Variants in MCOLN2 observed in about 807,000 individuals in gnomAD.
The protein encoded by MCOLN2 is mucolipin-2.
Under a neutral mutation model 67.5 loss-of-function variants are expected in MCOLN2, and 57 were observed. The ratio of observed to expected loss-of-function variants is 0.84; its 90% CI spans 0.68 to 1.05. MCOLN2 has a LOEUF of 1.05. MCOLN2 is among the 50% of genes least tolerant of loss of function. The pLI is 0.00. For synonymous variants in MCOLN2, 246 were observed against 233.3 expected, an observed-to-expected ratio of 1.05 and a Z score of -0.50; for missense variants, 620 against 678.8, an observed-to-expected ratio of 0.91 and a Z score of 0.96.
chr1:84,981,427 T>C (rs925786597), intron 1 of MCOLN2, among the ~76,000 whole-genome samples: 1 of 152,066 alleles, frequency 6.6e-6, no homozygotes, highest in South Asian at 2.1e-4. Context: ...AGCAGAAGAA[T>C]GGATAAAGAA....
chr1:84,986,247 A>C (rs1275272264), intron 1 of MCOLN2, among the ~76,000 whole-genome samples: 1 of 152,224 alleles, frequency 6.6e-6, no homozygotes. Context: ...CACATGTAGA[A>C]GAATAAAACT....
chr1:84,991,237 G>C (rs1227329371), intron 1 of MCOLN2, among the ~76,000 whole-genome samples: 1 of 152,122 alleles, frequency 6.6e-6, no homozygotes, highest in Non-Finnish European at 1.5e-5. Context: ...GAGGGTGGAA[G>C]AAGTGATAGA....
At chr1:84,956,222 G>A (rs1488049969) in intron 4 of MCOLN2, among the ~76,000 whole-genome samples, 2 of 151,778 alleles carry the variant, frequency 1.3e-5, no homozygotes, top group Admixed American at 6.6e-5. Flanking sequence ...GCTCCAAACA[G>A]ATCCACAAAT....
rs1375879262 is a variant in MCOLN2, at chr1:84,993,600, T to G, written c.77+3196A>C. 3.3e-5 allele frequency among the ~76,000 whole-genome samples: 5 copies of G among 150,522 alleles called. No individual in the cohort carries two copies. The East Asian group carries it at 9.8e-4, about 29-fold the overall frequency. On this transcript the variant is annotated intron_variant, in intron 1 of 13. Transcript: ENST00000370608. ...GATGGCAACCTATAATGTTACAAAA[T>G]GTAGTTCTTAAATAATGTCTTTTTT...
intron 2 of MCOLN2, 131 bp downstream of exon 2, chr1:84,965,418 A>T: frequency 1.1e-6 from 1 of 917,634 alleles, no homozygotes; most frequent in Non-Finnish European, 1.6e-6. Context: ...TCTGCTCTCC[A>T]GAGTCAATAT....
intron 9 of MCOLN2, among the ~76,000 whole-genome samples, chr1:84,938,573 A>G (rs1357668111): frequency 2.6e-5 from 4 of 152,240 alleles, no homozygotes; most frequent in African/African-American, 9.6e-5. Context: ...AATACGCTAA[A>G]TGCAGTGAAA....
chr1:84,931,496 C>T lies in MCOLN2; in HGVS notation c.1408G>A (p.Ala470Thr), dbSNP rs1451789877. Residue 470 changes from alanine (A) to threonine (T), a missense_variant, in exon 12 of 14, where the codon GCC becomes ACC. Physicochemically the swap from Ala to Thr is moderately conservative, Grantham distance 58. Transcript: ENST00000370608. ...AAGATGCTCTTCTGCTGGATTTGGG[C>T]AAAGGTTGCAAACATGTCATCACCG... ...VNGDDMFATF[A>T]QIQQKSILVW... 1 of 1,613,978 alleles carries T rather than the reference C, an allele frequency of 6.2e-7. No individual in the cohort carries two copies. The highest frequency in any genetic ancestry group is 1.1e-5 in the South Asian group (1 of 91,072).
chr1:84,936,050 C>A (rs1647409243), intron 11 of MCOLN2, among the ~76,000 whole-genome samples: 1 of 152,110 alleles, frequency 6.6e-6, no homozygotes, highest in Non-Finnish European at 1.5e-5. Context: ...GGGTTTGAAT[C>A]CCATCTCTGC....
chr1:84,928,975 T>A (rs1314085397), intron 13 of MCOLN2, among the ~76,000 whole-genome samples: 5 of 151,976 alleles, frequency 3.3e-5, no homozygotes, highest in Admixed American at 3.3e-4. Context: ...AAAAAAAAAT[T>A]GTCTTCACCT....
chr1:84,974,505 C>T (rs1228261020), intron 1 of MCOLN2, among the ~76,000 whole-genome samples: 1 of 151,968 alleles, frequency 6.6e-6, no homozygotes, highest in Non-Finnish European at 1.5e-5. Flanking sequence ...GGCCCTAGCT[C>T]CTGGGCAACA....
At chr1:84,991,964 A>G (rs1286318890) in intron 1 of MCOLN2, among the ~76,000 whole-genome samples, 1 of 152,244 alleles carries the variant, frequency 6.6e-6, no homozygotes, top group Admixed American at 6.5e-5. Flanking sequence ...ATTTTCAGTA[A>G]GAGCCCAACT....
intron 1 of MCOLN2, among the ~76,000 whole-genome samples, chr1:84,966,441 T>C (rs1649386716): frequency 6.6e-6 from 1 of 152,010 alleles, no homozygotes; most frequent in South Asian, 2.1e-4. Context: ...AGTGAGTGAG[T>C]ATATGAACAA....
At position 84,937,737 on chromosome 1, in the gene MCOLN2, A is replaced by G. The variant is rs995728340; in HGVS notation, c.1335+18T>C. ...CCCACGTGCCCCATCTGCAGAAGGA[A>G]GAATGTGAGCTACACACCTTGTCAT... On this transcript the variant is annotated intron_variant, in intron 11 of 13. Transcript: ENST00000370608. The G allele has an allele frequency of 1.3e-5, 21 of 1,613,198 alleles. No individual in the cohort carries two copies. The highest frequency in any genetic ancestry group is 1.8e-5 in the Non-Finnish European group (21 of 1,179,616).
chr1:84,954,242 T>C (rs1648663843), intron 4 of MCOLN2, among the ~76,000 whole-genome samples: 1 of 152,164 alleles, frequency 6.6e-6, no homozygotes, highest in African/African-American at 2.4e-5. Flanking sequence ...GACAACTCAA[T>C]AGACACAATA....
At chr1:84,969,563 T>C (rs1649558192) in intron 1 of MCOLN2, among the ~76,000 whole-genome samples, 1 of 139,924 alleles carries the variant, frequency 7.1e-6, no homozygotes, top group Non-Finnish European at 1.5e-5. Context: ...AGAGTAAGAC[T>C]CTGCCTCAAA....
chr1:84,930,803 G>A (rs1661368789), intron 12 of MCOLN2, among the ~76,000 whole-genome samples: 1 of 152,116 alleles, frequency 6.6e-6, no homozygotes, highest in Non-Finnish European at 1.5e-5. Flanking sequence ...TAAGGTACCA[G>A]CACCCAAGGA....
intron 2 of MCOLN2, among the ~76,000 whole-genome samples, chr1:84,961,692 A>G (rs186649315): frequency 6.6e-6 from 1 of 152,320 alleles, no homozygotes; most frequent in Non-Finnish European, 1.5e-5. Flanking sequence ...AGGCATTGAC[A>G]GCAAAATGCA....
chr1:84,964,199 C>T (rs1380817864), intron 2 of MCOLN2, among the ~76,000 whole-genome samples: 2 of 152,162 alleles, frequency 1.3e-5, no homozygotes, highest in East Asian at 3.8e-4. Flanking sequence ...TAAACTTGAG[C>T]TGGTACACAT....
rs750176980 is a variant in MCOLN2 at position 84,940,873 on chromosome 1, TCTTAC to T, written c.960+1_960+5del. ...GGGCAGGAAGAGAATGCGAACACAC[TCTTAC>T]CTTCCGTAACCTTAGAGCAAGAACA... is the stretch of plus-strand genomic sequence containing the variant. On this transcript the variant is annotated splice_donor_variant and splice_donor_5th_base_variant and intron_variant, in intron 8 of 13. Coordinates refer to ENST00000370608, the MANE Select transcript of MCOLN2 (RefSeq NM_153259.4). LOFTEE classifies it high-confidence loss of function. The T allele has an allele frequency of 6.2e-7, 1 of 1,601,802 alleles. No individual in the cohort carries two copies. The highest frequency in any genetic ancestry group is 1.1e-5 in the South Asian group (1 of 89,876).
Sources: allele counts gnomAD v4.1 joint callset (sites outside exome capture counted in the v4.1 genomes callset), GRCh38; gene constraint gnomAD v4.1.1; transcripts MANE v1.5; gene names NCBI Gene and HGNC (gene_info 2026-07-23, HGNC 2026-07-21).